LIPA: variants seen among roughly 807,000 people sequenced by gnomAD.
The protein encoded by LIPA is lipase A, lysosomal acid type, also known as lysosomal acid lipase/cholesteryl ester hydrolase.
A neutral mutation model predicts 40.6 loss-of-function variants in LIPA; 26 were observed. That is an observed-to-expected ratio of 0.64 (90% CI 0.47 to 0.89). LIPA has a LOEUF of 0.89. LIPA is among the 40% of genes least tolerant of loss of function. The pLI is 0.00. For synonymous variants in LIPA, 188 were observed against 168.4 expected (o/e 1.12, Z -0.90); for missense variants, 455 against 479.6 (o/e 0.95, Z 0.48).
At chr10:89,216,689 C>T (rs147850203) in intron 8 of LIPA, among the ~76,000 whole-genome samples, 232 of 152,210 alleles carry the variant, frequency 1.5e-3, no homozygotes, top group Admixed American at 5.6e-3. Context: ...AAAGGATATG[C>T]ATAGGCTATA....
At chr10:89,371,008 ACT>A (rs1844088540) in intron 2 of LIPA, among the ~76,000 whole-genome samples, 1 of 151,984 alleles carries the variant, frequency 6.6e-6, no homozygotes. Context: ...ACAGAGTGAG[ACT>A]CTGTCTCAAA....
chr10:89,404,528 T>C (rs1001377803), intron 2 of LIPA: 2 of 152,284 alleles, frequency 1.3e-5, no homozygotes, highest in Non-Finnish European at 2.9e-5. Context: ...CCCTCATGAA[T>C]ATTCATAGCC....
intron 8 of LIPA, among the ~76,000 whole-genome samples, chr10:89,216,383 A>C (rs1246892890): frequency 6.6e-6 from 1 of 150,634 alleles, no homozygotes; most frequent in Non-Finnish European, 1.5e-5. Flanking sequence ...ATAAAGGTAG[A>C]CAGATAGGTA....
At chr10:89,322,245 G>T (rs1843575989) in intron 1 of LIPA, among the ~76,000 whole-genome samples, 1 of 152,044 alleles carries the variant, frequency 6.6e-6, no homozygotes, top group African/African-American at 2.4e-5. Flanking sequence ...TCGAGCTCGG[G>T]GTTAAGATGG....
chr10:89,322,837 G>T (rs1843579417), intron 1 of LIPA, among the ~76,000 whole-genome samples: 2 of 152,182 alleles, frequency 1.3e-5, no homozygotes, highest in South Asian at 4.1e-4. Context: ...ATAGCCTCCT[G>T]TTCTCCCAGG....
chr10:89,254,708 T>C (rs1257038297), upstream of LIPA, among the ~76,000 whole-genome samples: 1 of 152,248 alleles, frequency 6.6e-6, no homozygotes, highest in East Asian at 1.9e-4. Context: ...TTTTCTGAAC[T>C]TTTATGTTTT....
upstream of LIPA, among the ~76,000 whole-genome samples, chr10:89,253,525 GGAGCTATAATTCAA>G (rs1281217055): frequency 8.5e-5 from 13 of 152,168 alleles, no homozygotes; most frequent in African/African-American, 3.1e-4. Context: ...GGGAATTACA[GGAGCTATAATTCAA>G]GATGAGATTT....
At chr10:89,319,745 C>A (rs986981410) in intron 1 of LIPA, among the ~76,000 whole-genome samples, 28 of 152,142 alleles carry the variant, frequency 1.8e-4, no homozygotes, top group African/African-American at 5.1e-4. Flanking sequence ...CAAAGCCTGG[C>A]AGAAACACAA....
At chr10:89,410,004 T>G (rs1841457142) in intron 2 of LIPA, among the ~76,000 whole-genome samples, 1 of 152,164 alleles carries the variant, frequency 6.6e-6, no homozygotes, top group Non-Finnish European at 1.5e-5. Context: ...AGGATGAAAC[T>G]TTTCTTTAAA....
intron 1 of LIPA, chr10:89,338,763 T>TA (rs1412546614): frequency 6.2e-6 from 10 of 1,613,890 alleles, no homozygotes; most frequent in Non-Finnish European, 8.5e-6. Flanking sequence ...ATCTAGAAGA[T>TA]AGAGTGTGTA....
chr10:89,358,154 G>A (rs1021730937), intron 2 of LIPA, among the ~76,000 whole-genome samples: 3 of 152,194 alleles, frequency 2.0e-5, no homozygotes, highest in Admixed American at 2.0e-4. Context: ...GTTCCTCCAT[G>A]TGGTGAGAAG....
At chr10:89,375,796 C>T (rs1844116715) in intron 2 of LIPA, among the ~76,000 whole-genome samples, 1 of 152,098 alleles carries the variant, frequency 6.6e-6, no homozygotes, top group Non-Finnish European at 1.5e-5. Flanking sequence ...AGAGTATACT[C>T]AAGGAATAAA....
Position 89,229,170 on chromosome 10 carries a change from A to C in LIPA, c.230-772T>G, listed in dbSNP as rs187490492. ...ACATCCAGACAATGGAGTATTACTC[A>C]GCCCTAAAAGGAAATGAGCTATCAA... On this transcript the variant is annotated intron_variant, in intron 3 of 9. Coordinates refer to ENST00000336233, the MANE Select transcript of LIPA (RefSeq NM_000235.4). Among the ~76,000 whole-genome samples, 436 of 152,376 alleles carry C rather than the reference A, an allele frequency of 2.9e-3. 3 individuals are homozygous for C. The highest frequency in any genetic ancestry group is 3.7e-3 in the Non-Finnish European group (254 of 68,036).
At chr10:89,231,198 G>C (rs1367934678) in intron 3 of LIPA, among the ~76,000 whole-genome samples, 4 of 152,146 alleles carry the variant, frequency 2.6e-5, no homozygotes, top group Non-Finnish European at 4.4e-5. Context: ...AAATACCAAG[G>C]AAAAATGAGA....
At chr10:89,256,343 A>G (rs1158704647), upstream of LIPA, among the ~76,000 whole-genome samples, 1 of 152,270 alleles carries the variant, frequency 6.6e-6, no homozygotes, top group Non-Finnish European at 1.5e-5. Flanking sequence ...TAGAAACAGT[A>G]TTTAAAGACA....
At chr10:89,362,193 T>G (rs1042755951) in intron 2 of LIPA, 3 of 152,160 alleles carry the variant, frequency 2.0e-5, no homozygotes, top group African/African-American at 7.2e-5. Context: ...TGTGAGCCAC[T>G]GTGCCCAACT....
intron 5 of LIPA, among the ~76,000 whole-genome samples, chr10:89,225,967 A>G (rs915872157): frequency 6.6e-6 from 1 of 152,108 alleles, no homozygotes; most frequent in Non-Finnish European, 1.5e-5. Flanking sequence ...CTAGCTCACA[A>G]TCCATTAAAC....
chr10:89,371,698 A>G (rs1480701890), intron 2 of LIPA, among the ~76,000 whole-genome samples: 1 of 152,162 alleles, frequency 6.6e-6, no homozygotes, highest in Non-Finnish European at 1.5e-5. Flanking sequence ...GCTGCTTTGG[A>G]GGCTTGTGAG....
intron 3 of LIPA, among the ~76,000 whole-genome samples, chr10:89,229,806 T>C (rs1842818942): frequency 6.6e-6 from 1 of 151,052 alleles, no homozygotes; most frequent in Non-Finnish European, 1.5e-5. Context: ...TGTGTGAATG[T>C]AGGTTCATCA....
Sources: gnomAD v4.1 joint callset for allele counts (sites outside exome capture counted in the v4.1 genomes callset) on GRCh38, gnomAD v4.1.1 for gene constraint, MANE v1.5 for transcripts, NCBI Gene and HGNC (gene_info 2026-07-23, HGNC 2026-07-21) for gene names.